The following ARHGAP45 variants were observed in gnomAD, a reference collection of about 807,000 sequenced individuals.
ARHGAP45 encodes Rho GTPase activating protein 45, also known as rho GTPase-activating protein 45.
Under a neutral mutation model 116.1 loss-of-function variants are expected in ARHGAP45, and 56 were observed. The ratio of observed to expected loss-of-function variants is 0.48; its 90% CI spans 0.39 to 0.60. The LOEUF (loss-of-function observed/expected upper bound fraction) is 0.60, where lower values mean the gene tolerates loss of function less well. Ranked by LOEUF, ARHGAP45 falls within the 20% of genes least tolerant of loss-of-function variation. The pLI is 0.00. For missense variants in ARHGAP45, 1,622 were observed against 1,601.0 expected (o/e 1.01, Z -0.22); for synonymous variants, 866 against 701.7 (o/e 1.23, Z -3.70).
At chr19:1,067,076 C>A (rs1453999488), upstream of ARHGAP45, 3 of 792,682 alleles carry the variant, frequency 3.8e-6, no homozygotes, top group Non-Finnish European at 3.1e-6. Flanking sequence ...GGTCCCACCC[C>A]GCGAGCGGCG....
chr19:1,082,165 C>T (rs1376875865), intron 19 of ARHGAP45, among the ~76,000 whole-genome samples: 1 of 104,662 alleles, frequency 9.6e-6, no homozygotes, highest in Non-Finnish European at 1.8e-5. Flanking sequence ...AGGAGCGAGG[C>T]GGGGCCAGTT....
chr19:1,074,897 G>C lies in ARHGAP45; in HGVS notation c.1185+18G>C, dbSNP rs2043210573. 1 of 1,464,918 alleles carries C rather than the reference G, an allele frequency of 6.8e-7. No homozygotes were observed. The highest frequency in any genetic ancestry group is 9.2e-7 in the Non-Finnish European group (1 of 1,087,122). The allele number at this position is 1,464,918 out of a possible 1,614,324, so 90.7% of individuals were successfully genotyped here. Reference sequence around the variant, plus strand: ...GGAAGCTGGTGAGGCGGGCGGGCGGGGGCGGGCGGGGGCGGGCAGCGGGCC... The same window carrying C: ...GGAAGCTGGTGAGGCGGGCGGGCGGCGGCGGGCGGGGGCGGGCAGCGGGCC... On this transcript the variant is annotated intron_variant, in intron 10 of 22. Transcript: ENST00000313093.
In ARHGAP45 at chr19:1,082,926, G is replaced by A; in HGVS notation, c.2604G>A (p.Lys868=). The change falls in exon 20 of 23, where the codon AAG becomes AAA. Residue 868 remains lysine (K), a synonymous_variant. Coordinates refer to ENST00000313093, the MANE Select transcript of ARHGAP45 (RefSeq NM_012292.5). Reference sequence around the variant, plus strand: ...GCCTGAAGGCAGAGGCCGAGGCCAAGGCGGCGTCCCGGGGCCGGCAGGACG... The same window carrying A: ...GCCTGAAGGCAGAGGCCGAGGCCAAAGCGGCGTCCCGGGGCCGGCAGGACG... ...KDSLKAEAEA[K]AASRGRQDGS... is the part of the protein sequence containing the mutation. 1 of 1,591,754 alleles carries A rather than the reference G, an allele frequency of 6.3e-7. No individual in the cohort carries two copies. Among genetic ancestry groups the A allele is most frequent in the Non-Finnish European group, 8.5e-7 (1 of 1,171,338 alleles).
At chr19:1,084,396 C>T in intron 22 of ARHGAP45, 50 bp downstream of exon 22, 4 of 1,422,970 alleles carry the variant, frequency 2.8e-6, no homozygotes, top group Non-Finnish European at 3.9e-6. Flanking sequence ...GCGTGTGCCA[C>T]CCATGGGCGC....
upstream of ARHGAP45, among the ~76,000 whole-genome samples, chr19:1,066,986 C>T (rs2043043921): frequency 6.6e-6 from 1 of 152,190 alleles, no homozygotes; most frequent in South Asian, 2.1e-4. Context: ...TGTCTGTGCA[C>T]GCCCACTCGC....
At position 1,077,925 on chromosome 19, in the gene ARHGAP45, G is replaced by A. The variant is rs762308682; in HGVS notation, c.1254G>A (p.Lys418=). Residue 418 remains lysine, a synonymous_variant, in exon 11 of 23, where the codon AAG becomes AAA. Transcript: ENST00000313093. Reference sequence around the variant, plus strand: ...TGCAGCGCTGCGAGGACCACGACAAGGCTCGCTTCCTCGTGGCCAAGGCGG... The same window carrying A: ...TGCAGCGCTGCGAGGACCACGACAAAGCTCGCTTCCTCGTGGCCAAGGCGG... ...GYVQRCEDHD[K]ARFLVAKAEE... The A allele has an allele frequency of 3.2e-6, 5 of 1,553,866 alleles. No homozygotes were observed. Among genetic ancestry groups the A allele is most frequent in the Non-Finnish European group, 3.5e-6 (4 of 1,148,244 alleles).
At position 1,074,887 on chromosome 19, in the gene ARHGAP45, G is replaced by T; in HGVS notation, c.1185+8G>T. On this transcript the variant is annotated splice_region_variant and intron_variant, in intron 10 of 22. Transcript: ENST00000313093. ...CGTGCCCAGAGGAAGCTGGTGAGGC[G>T]GGCGGGCGGGGGCGGGCGGGGGCGG... The T allele has an allele frequency of 7.1e-7, 1 of 1,409,656 alleles. No individual in the cohort carries two copies. The allele number at this position is 1,409,656 out of a possible 1,614,324, so 87.3% of individuals were successfully genotyped here. A position where few individuals can be genotyped will look rare whatever the true frequency, so the allele number is the denominator to read the frequency against.
At chr19:1,078,212 C>T (rs564489783) in intron 11 of ARHGAP45, among the ~76,000 whole-genome samples, 167 bp downstream of exon 11, 6 of 152,092 alleles carry the variant, frequency 3.9e-5, no homozygotes, top group South Asian at 2.1e-4. Flanking sequence ...GGCACAGTCT[C>T]GGCTCACTGC....
chr19:1,073,941 C>T lies in ARHGAP45; in HGVS notation c.724-7C>T, dbSNP rs1466008265. On this transcript the variant is annotated splice_region_variant and splice_polypyrimidine_tract_variant and intron_variant, in intron 5 of 22. Coordinates refer to ENST00000313093, the MANE Select transcript of ARHGAP45 (RefSeq NM_012292.5). ...GGGCTGGTCTCACCTGCGTCTCCGT[C>T]CTACAGTCCATGGAAAGCCTGTATG... is the stretch of plus-strand genomic sequence containing the variant. 6.4e-7 allele frequency: 1 copy of T among 1,564,986 alleles called. No homozygotes were observed. Among genetic ancestry groups the T allele is most frequent in the East Asian group, 2.4e-5 (1 of 41,938 alleles).
intron 2 of ARHGAP45, 36 bp from the exon 3 acceptor site, chr19:1,073,113 C>T (rs1414026078): frequency 6.3e-7 from 1 of 1,583,864 alleles, no homozygotes; most frequent in East Asian, 2.2e-5. Context: ...TGGGACTGGG[C>T]CCTACCCCAC....
At chr19:1,076,790 C>T (rs1458032356) in intron 10 of ARHGAP45, among the ~76,000 whole-genome samples, 1 of 152,080 alleles carries the variant, frequency 6.6e-6, no homozygotes, top group Non-Finnish European at 1.5e-5. Flanking sequence ...AGACACCGTG[C>T]TTGGCTAATT....
Position 1,081,052 on chromosome 19 carries a change from T to C in ARHGAP45, c.2178T>C (p.Ala726=). 1 of 1,607,218 alleles carries C rather than the reference T, an allele frequency of 6.2e-7. No homozygotes were observed. Residue 726 remains alanine, a synonymous_variant, in exon 17 of 23, where the codon GCT becomes GCC. Coordinates refer to ENST00000313093, the MANE Select transcript of ARHGAP45 (RefSeq NM_012292.5). ...ECNSYVYFQG[A]ECEECCLACH... ...ACAGCTACGTCTACTTCCAGGGTGC[T>C]GAGTGTGAAGAGGTGAGTGGGACGC...
chr19:1,070,313 C>T (rs1440666244), intron 2 of ARHGAP45, among the ~76,000 whole-genome samples: 2 of 129,504 alleles, frequency 1.5e-5, no homozygotes, highest in Non-Finnish European at 3.3e-5. Flanking sequence ...TTTTTTCTTT[C>T]TTTTTCTTTT....
At chr19:1,080,585 G>A (rs192601933) in intron 15 of ARHGAP45, 38 bp downstream of exon 15, 4 of 1,608,620 alleles carry the variant, frequency 2.5e-6, no homozygotes, top group Middle Eastern at 1.7e-4. Flanking sequence ...GTGTGGAGCT[G>A]CCTCCTCTCC....
In ARHGAP45 at chr19:1,079,762, G is replaced by A; in HGVS notation, c.1434G>A (p.Gln478=). ...TGGCCGACGCGAAGACGCAGAAGCA[G>A]GAGCTGGAGGATACCAAGGTGACGG... ...TCVADAKTQK[Q]ELEDTKVTAL... Residue 478 remains glutamine, a synonymous_variant, in exon 12 of 23, where the codon CAG becomes CAA. Coordinates refer to ENST00000313093, the MANE Select transcript of ARHGAP45 (RefSeq NM_012292.5). 1 of 1,612,494 alleles carries A rather than the reference G, an allele frequency of 6.2e-7. No individual in the cohort carries two copies. Among genetic ancestry groups the A allele is most frequent in the Middle Eastern group, 1.7e-4 (1 of 6,058 alleles).
At position 1,084,346 on chromosome 19, in the gene ARHGAP45, G is replaced by A; in HGVS notation, c.3064G>A (p.Glu1022Lys). Residue 1022 changes from glutamate (E) to lysine (K), a missense_variant and splice_region_variant, in exon 22 of 23, where the codon GAA (glutamate) becomes AAA (lysine). By Grantham distance (56) the Glu-to-Lys change is moderately conservative. Coordinates refer to ENST00000313093, the MANE Select transcript of ARHGAP45 (RefSeq NM_012292.5). Reference sequence around the variant, plus strand: ...GGAGGCGGCGGCGGACGGGTGCAGAGGTGAGTGTGTGGCTGCCCGAACGGC... The same window carrying A: ...GGAGGCGGCGGCGGACGGGTGCAGAAGTGAGTGTGTGGCTGCCCGAACGGC... ...LQEAAADGCR[E>K]SRVVSNDSDS... 1 of 1,606,462 alleles carries A rather than the reference G, an allele frequency of 6.2e-7. No individual in the cohort carries two copies. Among genetic ancestry groups the A allele is most frequent in the Non-Finnish European group, 8.5e-7 (1 of 1,177,022 alleles).
Position 1,084,287 on chromosome 19 carries a change from T to A in ARHGAP45, c.3005T>A (p.Leu1002Gln). The A allele has an allele frequency of 6.2e-7, 1 of 1,613,016 alleles. No homozygotes were observed. Among genetic ancestry groups the A allele is most frequent in the Non-Finnish European group, 8.5e-7 (1 of 1,179,600 alleles). ...GAGGTAGTCGTCCAGGTGCCGTACC[T>A]GGAGGCGGGCGAGGCGGTGGTCTAC... ...RAEVVVQVPYLEAGEAVVYPL... is the reference protein window; with the variant it reads ...RAEVVVQVPYQEAGEAVVYPL... Residue 1002 changes from leucine to glutamine, a missense_variant, in exon 22 of 23, where the codon CTG becomes CAG. Physicochemically the swap from Leu to Gln is moderately radical, Grantham distance 113. Around this residue, in one of 3 missense-constraint regions of ARHGAP45, gnomAD observed 1,334 missense variants for 1,263.8 expected, o/e 1.06. Coordinates refer to ENST00000313093, the MANE Select transcript of ARHGAP45 (RefSeq NM_012292.5).
In ARHGAP45 at chr19:1,085,785, C is replaced by G. The variant is rs775661484; in HGVS notation, c.3190C>G (p.Leu1064Val). Residue 1064 changes from leucine to valine, a missense_variant, in exon 23 of 23, where the codon CTA (leucine) becomes GTA (valine). Physicochemically the swap from Leu to Val is conservative, Grantham distance 32. This residue lies in a region of ARHGAP45 where 1,334 missense variants were observed against 1,263.8 expected (regional missense o/e 1.06). Coordinates refer to ENST00000313093, the MANE Select transcript of ARHGAP45 (RefSeq NM_012292.5). ...FLEQQQSEAS[L>V]EVASGSHSGS... ...GGAGCAGCAGCAGAGCGAGGCCAGCCTAGAGGTGGCTTCTGGCAGCCACAG... is the reference window on the plus strand; with the variant it reads ...GGAGCAGCAGCAGAGCGAGGCCAGCGTAGAGGTGGCTTCTGGCAGCCACAG... 6.2e-7 allele frequency: 1 copy of G among 1,612,810 alleles called. No individual in the cohort carries two copies. Among genetic ancestry groups the G allele is most frequent in the Non-Finnish European group, 8.5e-7 (1 of 1,179,880 alleles).
rs768771836 is a variant in ARHGAP45 at position 1,068,772 on chromosome 19, G to A, written c.421+28G>A. On this transcript the variant is annotated intron_variant, in intron 2 of 22. Coordinates refer to ENST00000313093, the MANE Select transcript of ARHGAP45 (RefSeq NM_012292.5). This position sits in a 1 kb window ranked among gnomAD's most constrained non-coding sequence, Gnocchi z 7.5. ...GAGAGCCACGGGGACACCGAGGCCTGGGTGGAAGACAGAGCCAGACCCAAG... is the reference window on the plus strand; with the variant it reads ...GAGAGCCACGGGGACACCGAGGCCTAGGTGGAAGACAGAGCCAGACCCAAG... 6.3e-7 allele frequency: 1 copy of A among 1,599,934 alleles called. No individual in the cohort carries two copies. Among genetic ancestry groups the A allele is most frequent in the Non-Finnish European group, 8.5e-7 (1 of 1,169,814 alleles).
Sources: allele counts gnomAD v4.1 joint callset (sites outside exome capture counted in the v4.1 genomes callset), GRCh38; gene constraint gnomAD v4.1.1; regional missense constraint gnomAD v4.1.1; non-coding constraint Gnocchi (gnomAD v3.1); transcripts MANE v1.5; gene names NCBI Gene and HGNC (gene_info 2026-07-23, HGNC 2026-07-21).